Variants in RHOJ observed in about 807,000 individuals in gnomAD.
The protein encoded by RHOJ is rho-related GTP-binding protein RhoJ.
In RHOJ, 11 loss-of-function variants were observed where a neutral mutation model predicts 23.4. The ratio of observed to expected loss-of-function variants is 0.47; its 90% CI spans 0.30 to 0.78. RHOJ has a LOEUF of 0.78. Among genes scored for constraint, RHOJ ranks in the 30% least tolerant of loss-of-function variants. The pLI, the probability that RHOJ is intolerant of heterozygous loss-of-function variation, is 0.08. For missense variants in RHOJ, 254 were observed against 273.4 expected, an observed-to-expected ratio of 0.93 and a Z score of 0.50; for synonymous variants, 102 against 102.7, an observed-to-expected ratio of 0.99 and a Z score of 0.04.
intron 2 of RHOJ, among the ~76,000 whole-genome samples, chr14:63,274,306 T>G (rs1369261257): frequency 1.3e-5 from 2 of 152,146 alleles, no homozygotes; most frequent in Non-Finnish European, 2.9e-5. Flanking sequence ...CTTGCTCACG[T>G]GTATCTTCAT....
At chr14:63,257,236 CAAAAAAAAAAA>C (rs11463617) in intron 1 of RHOJ, among the ~76,000 whole-genome samples, 4 of 49,106 alleles carry the variant, frequency 8.1e-5, no homozygotes, top group South Asian at 1.3e-3. Flanking sequence ...AGACTGTCTC[CAAAAAAAAAAA>C]AAAAAAAAAA....
At chr14:63,276,355 T>C (rs1881719706) in intron 2 of RHOJ, among the ~76,000 whole-genome samples, 1 of 152,216 alleles carries the variant, frequency 6.6e-6, no homozygotes, top group South Asian at 2.1e-4. Context: ...GTTGGAATTG[T>C]ATTTTCCCAA....
At chr14:63,268,331 A>G (rs748420321) in intron 1 of RHOJ, among the ~76,000 whole-genome samples, 1 of 152,154 alleles carries the variant, frequency 6.6e-6, no homozygotes, top group Non-Finnish European at 1.5e-5. Context: ...ATTTCCAGAC[A>G]TGTACAGAGT....
intron 1 of RHOJ, among the ~76,000 whole-genome samples, chr14:63,268,167 T>C (rs1895401399): frequency 1.3e-5 from 2 of 152,204 alleles, no homozygotes; most frequent in Non-Finnish European, 2.9e-5. Context: ...GAGAAAAAAC[T>C]CACACTTTTC....
chr14:63,229,361 T>A (rs1894650149), intron 1 of RHOJ, among the ~76,000 whole-genome samples: 2 of 152,352 alleles, frequency 1.3e-5, no homozygotes, highest in East Asian at 3.9e-4. Context: ...TAGCTCACAG[T>A]TCTGTAGGTC....
At chr14:63,264,542 C>A (rs913508668) in intron 1 of RHOJ, among the ~76,000 whole-genome samples, 1 of 152,020 alleles carries the variant, frequency 6.6e-6, no homozygotes, top group African/African-American at 2.4e-5. Context: ...GGATATATAC[C>A]CAGTAATGGG....
Position 63,268,373 on chromosome 14 carries a change from A to G in RHOJ, c.179-737A>G, listed in dbSNP as rs572022222. 2.6e-5 allele frequency among the ~76,000 whole-genome samples: 4 copies of G among 152,246 alleles called. No individual in the cohort carries two copies. In the East Asian group the frequency reaches 7.7e-4, roughly 29 times the overall value. On this transcript the variant is annotated intron_variant, in intron 1 of 4. Coordinates refer to ENST00000316754, the MANE Select transcript of RHOJ (RefSeq NM_020663.5). ...TGTCCCTGTTTTCCTTCTCATTTTC[A>G]GGGCACAATTCCTTGGCAAAGTAGT...
intron 1 of RHOJ, among the ~76,000 whole-genome samples, chr14:63,247,322 A>G (rs1894994154): frequency 6.6e-6 from 1 of 152,210 alleles, no homozygotes; most frequent in South Asian, 2.1e-4. Flanking sequence ...TTCCCTGCTC[A>G]CCAAATGTAT....
chr14:63,237,336 T>C (rs1310354335), intron 1 of RHOJ, among the ~76,000 whole-genome samples: 2 of 152,216 alleles, frequency 1.3e-5, no homozygotes, highest in Non-Finnish European at 2.9e-5. Flanking sequence ...GCTCAGTTTA[T>C]TTTATGAGAA....
chr14:63,237,966 G>A (rs1894818895), intron 1 of RHOJ, among the ~76,000 whole-genome samples: 1 of 152,092 alleles, frequency 6.6e-6, no homozygotes, highest in East Asian at 1.9e-4. Context: ...TGTCCTGCTG[G>A]TCCTTCAGCT....
intron 1 of RHOJ, among the ~76,000 whole-genome samples, chr14:63,248,648 A>G (rs1453433023): frequency 6.6e-6 from 1 of 152,198 alleles, no homozygotes; most frequent in Non-Finnish European, 1.5e-5. Flanking sequence ...TCCTCTGTTT[A>G]CCATTCATTT....
intron 4 of RHOJ, among the ~76,000 whole-genome samples, chr14:63,290,044 A>G (rs1200204593): frequency 6.6e-6 from 1 of 152,048 alleles, no homozygotes; most frequent in Non-Finnish European, 1.5e-5. Flanking sequence ...GGAGTTCAAG[A>G]CCAGACTGGC....
At chr14:63,245,547 T>G (rs547400061) in intron 1 of RHOJ, among the ~76,000 whole-genome samples, 66 of 152,070 alleles carry the variant, frequency 4.3e-4, no homozygotes, top group Non-Finnish European at 9.1e-4. Flanking sequence ...CCTAGCTACC[T>G]GGCAGGGGGC....
chr14:63,239,301 G>A (rs902038156), intron 1 of RHOJ, among the ~76,000 whole-genome samples: 7 of 152,020 alleles, frequency 4.6e-5, no homozygotes, highest in East Asian at 1.9e-4. Flanking sequence ...TAATAGAGAC[G>A]GGGTTTCGCC....
chr14:63,242,199 G>A (rs1894894901), intron 1 of RHOJ, among the ~76,000 whole-genome samples: 1 of 152,198 alleles, frequency 6.6e-6, no homozygotes, highest in Admixed American at 6.5e-5. Context: ...GATGTAAAAT[G>A]AAATGGCCAC....
intron 1 of RHOJ, among the ~76,000 whole-genome samples, chr14:63,212,566 A>T (rs762101): frequency 6.6e-6 from 1 of 151,944 alleles, no homozygotes; most frequent in South Asian, 2.1e-4. Flanking sequence ...AATTTGCCCC[A>T]TGCGGTGGTG....
At chr14:63,288,961 A>G (rs1882167075) in intron 4 of RHOJ, among the ~76,000 whole-genome samples, 1 of 152,230 alleles carries the variant, frequency 6.6e-6, no homozygotes, top group African/African-American at 2.4e-5. Context: ...GGTCACAGTT[A>G]CTGCCACAGA....
At chr14:63,214,366 G>GT (rs1423547652) in intron 1 of RHOJ, among the ~76,000 whole-genome samples, 6 of 152,188 alleles carry the variant, frequency 3.9e-5, no homozygotes, top group Non-Finnish European at 7.3e-5. Flanking sequence ...TGACTTAGTA[G>GT]GTTCAGAAAA....
At chr14:63,250,363 T>G (rs1180157391) in intron 1 of RHOJ, among the ~76,000 whole-genome samples, 1 of 152,092 alleles carries the variant, frequency 6.6e-6, no homozygotes, top group African/African-American at 2.4e-5. Context: ...TCCCACCTCC[T>G]GAGCAGCTGG....
Sources: allele counts gnomAD v4.1 joint callset (sites outside exome capture counted in the v4.1 genomes callset), GRCh38; gene constraint gnomAD v4.1.1; transcripts MANE v1.5; gene names NCBI Gene and HGNC (gene_info 2026-07-23, HGNC 2026-07-21).